The following CCDC171 variants were observed in gnomAD, a reference collection of about 807,000 sequenced individuals.
The protein encoded by CCDC171 is coiled-coil domain-containing protein 171.
CCDC171 carries 177 observed loss-of-function variants against 168.2 expected under a neutral mutation model. That is an observed-to-expected ratio of 1.05 (90% CI 0.93 to 1.19). The LOEUF (loss-of-function observed/expected upper bound fraction) is 1.19. Ranked by LOEUF, CCDC171 falls within the 50% of genes most tolerant of loss-of-function variation. The pLI is 0.00. For synonymous variants in CCDC171, 687 were observed against 540.8 expected (o/e 1.27, Z -3.75); for missense variants, 1,991 against 1,539.0 (o/e 1.29, Z -4.91).
chr9:15,827,622 C>T (rs1488697135), intron 21 of CCDC171, among the ~76,000 whole-genome samples: 6 of 152,092 alleles, frequency 3.9e-5, no homozygotes, highest in Admixed American at 3.9e-4. Context: ...CCATATCTTT[C>T]CTTATAATTA....
intron 11 of CCDC171, among the ~76,000 whole-genome samples, chr9:15,708,865 A>C (rs1006443618): frequency 1.3e-5 from 2 of 152,194 alleles, no homozygotes; most frequent in African/African-American, 2.4e-5. Context: ...TCTTAGAGGG[A>C]GTTTTATCAC....
At chr9:15,980,567 A>G (rs1831760130) in intron 3 of CCDC171, among the ~76,000 whole-genome samples, 1 of 151,946 alleles carries the variant, frequency 6.6e-6, no homozygotes, top group Non-Finnish European at 1.5e-5. Flanking sequence ...ACTTTAATTG[A>G]TTTCTTAAAA....
At chr9:16,063,688 G>GTA (rs35785329), downstream of CCDC171, among the ~76,000 whole-genome samples, 3 of 152,080 alleles carry the variant, frequency 2.0e-5, no homozygotes, top group African/African-American at 7.2e-5. Flanking sequence ...TGGATATTGT[G>GTA]TTCCTCATGA....
intron 24 of CCDC171, among the ~76,000 whole-genome samples, chr9:15,898,480 C>G (rs1821193859): frequency 6.6e-6 from 1 of 152,068 alleles, no homozygotes; most frequent in Admixed American, 6.6e-5. Flanking sequence ...GAGCAAAATG[C>G]TAGGTCGTTT....
At chr9:15,644,300 C>T (rs548175831) in intron 7 of CCDC171, among the ~76,000 whole-genome samples, 14 of 152,288 alleles carry the variant, frequency 9.2e-5, no homozygotes, top group African/African-American at 3.4e-4. Context: ...CTCCAGTCTA[C>T]AGCACCCAGC....
At chr9:15,856,035 G>C (rs1402222376) in intron 23 of CCDC171, among the ~76,000 whole-genome samples, 4 of 151,862 alleles carry the variant, frequency 2.6e-5, no homozygotes, top group African/African-American at 9.7e-5. Flanking sequence ...ATGTGAATTT[G>C]AGTTACTGTC....
chr9:15,654,243 T>G (rs2047750291), intron 7 of CCDC171, among the ~76,000 whole-genome samples: 3 of 152,080 alleles, frequency 2.0e-5, no homozygotes, highest in Admixed American at 2.0e-4. Context: ...TAATAGCTCA[T>G]TAAGAAATAT....
chr9:15,679,380 C>T (rs2049879892), intron 10 of CCDC171, among the ~76,000 whole-genome samples: 4 of 152,170 alleles, frequency 2.6e-5, no homozygotes, highest in Admixed American at 2.0e-4. Flanking sequence ...AACTCATCAG[C>T]ATCTCGATGT....
chr9:15,703,853 G>T (rs140696838), intron 11 of CCDC171, among the ~76,000 whole-genome samples: 2 of 152,064 alleles, frequency 1.3e-5, no homozygotes, highest in Non-Finnish European at 2.9e-5. Context: ...ACATTTATTG[G>T]TTAAGTTCAC....
chr9:15,782,916 C>T (rs950783126), intron 20 of CCDC171, among the ~76,000 whole-genome samples: 1 of 152,192 alleles, frequency 6.6e-6, no homozygotes, highest in Non-Finnish European at 1.5e-5. Context: ...AGGTGACTCT[C>T]TGAAAATGAG....
chr9:15,995,555 G>A (rs563806055), intron 3 of CCDC171, among the ~76,000 whole-genome samples: 1 of 152,304 alleles, frequency 6.6e-6, no homozygotes, highest in African/African-American at 2.4e-5. Context: ...AATTTCTGTA[G>A]GAGCTGTCAT....
chr9:15,623,213 T>G, intron 6 of CCDC171, 54 bp from the exon 7 acceptor site: 2 of 1,354,020 alleles, frequency 1.5e-6, no homozygotes, highest in Non-Finnish European at 2.0e-6. Flanking sequence ...GGAGTGACTC[T>G]TAGTCATTGA....
At chr9:15,907,876 C>CT (rs1822952587) in intron 24 of CCDC171, among the ~76,000 whole-genome samples, 1 of 152,214 alleles carries the variant, frequency 6.6e-6, no homozygotes, top group Admixed American at 6.5e-5. Flanking sequence ...AAAGGAGACA[C>CT]TTATGCAGCC....
At chr9:15,710,895 C>G (rs1272582178) in intron 11 of CCDC171, among the ~76,000 whole-genome samples, 2 of 152,174 alleles carry the variant, frequency 1.3e-5, no homozygotes, top group East Asian at 1.9e-4. Context: ...CCGTACCCGG[C>G]CTTCTGTCTC....
Position 15,744,621 on chromosome 9 carries a change from A to G in CCDC171, c.2398A>G (p.Ile800Val), listed in dbSNP as rs976184213. The G allele has an allele frequency of 4.3e-6, 7 of 1,614,064 alleles. No homozygotes were observed. Among genetic ancestry groups the G allele is most frequent in the Non-Finnish European group, 5.9e-6 (7 of 1,180,018 alleles). ...KKKTFKGLIR[I>V]FRKGVIAVLA... ...GAAAACATTCAAAGGATTGATACGT[A>G]TATTTCGGAAAGGTGTTATTGCTGT... The change falls in exon 17 of 26, where the codon ATA (isoleucine) becomes GTA (valine). Residue 800 changes from isoleucine to valine, a missense_variant. Physicochemically the swap from Ile to Val is conservative, Grantham distance 29. Transcript: ENST00000380701.
At chr9:16,069,203 GA>G in the CCDC171 span, among the ~76,000 whole-genome samples, 1 of 152,250 alleles carries the variant, frequency 6.6e-6, no homozygotes, top group African/African-American at 2.4e-5. Context: ...CTAATTCTCA[GA>G]AAAAAACATC....
chr9:16,047,428 CT>C (rs1028703207), intron 1 of CCDC171, among the ~76,000 whole-genome samples: 7 of 152,174 alleles, frequency 4.6e-5, no homozygotes, highest in African/African-American at 1.7e-4. Context: ...GTCCTCTTCA[CT>C]ACCTCCTGCC....
intron 6 of CCDC171, among the ~76,000 whole-genome samples, chr9:15,601,444 G>A (rs2042843291): frequency 6.6e-6 from 1 of 152,172 alleles, no homozygotes; most frequent in South Asian, 2.1e-4. Context: ...GAATCTGGAA[G>A]GACAGTACAA....
intron 3 of CCDC171, among the ~76,000 whole-genome samples, chr9:15,981,839 G>A (rs1831806255): frequency 6.6e-6 from 1 of 152,032 alleles, no homozygotes; most frequent in Admixed American, 6.6e-5. Flanking sequence ...TAAATGGCTA[G>A]GGTTATTTGA....
Sources: gnomAD v4.1 joint callset for allele counts (sites outside exome capture counted in the v4.1 genomes callset) on GRCh38, gnomAD v4.1.1 for gene constraint, MANE v1.5 for transcripts, NCBI Gene and HGNC (gene_info 2026-07-23, HGNC 2026-07-21) for gene names.